Variants in PCSK9 observed in about 807,000 individuals in gnomAD.
The protein encoded by PCSK9 is convertase subtilisin/kexin type 9 preproprotein.
PCSK9 carries 57 observed loss-of-function variants against 62.1 expected under a neutral mutation model. The ratio of observed to expected loss-of-function variants is 0.92; its 90% CI spans 0.74 to 1.14. The LOEUF is 1.14. Among genes scored for constraint, PCSK9 ranks in the 50% most tolerant of loss-of-function variants. PCSK9 has a pLI of 0.00. For missense variants in PCSK9, 870 were observed against 959.8 expected, an observed-to-expected ratio of 0.91 and a Z score of 1.24; for synonymous variants, 387 against 409.4, an observed-to-expected ratio of 0.95 and a Z score of 0.66.
At chr1:55,063,238 A>G (rs960383830) in intron 11 of PCSK9, 131 bp from the exon 12 acceptor site, 3 of 969,872 alleles carry the variant, frequency 3.1e-6, no homozygotes, top group African/African-American at 1.6e-5. Flanking sequence ...TTGTGTCCCA[A>G]ATGGGCTCTG....
chr1:55,054,152 G>A (rs1184146308), intron 5 of PCSK9, among the ~76,000 whole-genome samples: 1 of 152,180 alleles, frequency 6.6e-6, no homozygotes, highest in Non-Finnish European at 1.5e-5. Flanking sequence ...GGGAGGCCGA[G>A]GTGGGCAGAT....
At chr1:55,051,957 C>T (rs755205398) in intron 3 of PCSK9, 19 of 404,812 alleles carry the variant, frequency 4.7e-5, no homozygotes, top group Non-Finnish European at 7.5e-5. Flanking sequence ...CACTTTGATA[C>T]TATTTTTTGA....
intron 4 of PCSK9, 48 bp from the exon 5 acceptor site, chr1:55,052,602 G>A: frequency 6.2e-7 from 1 of 1,610,172 alleles, no homozygotes; most frequent in Non-Finnish European, 8.5e-7. Flanking sequence ...ATTTGTTATA[G>A]GGTGGAGGGG....
intron 7 of PCSK9, 35 bp from the exon 8 acceptor site, chr1:55,057,999 GGC>G (rs1246570379): frequency 6.2e-7 from 1 of 1,612,930 alleles, no homozygotes; most frequent in Admixed American, 1.7e-5. Flanking sequence ...AGGAGGGCCG[GGC>G]CATCACCATC....
At chr1:55,057,913 G>A in intron 7 of PCSK9, 123 bp from the exon 8 acceptor site, 1 of 1,379,672 alleles carries the variant, frequency 7.2e-7, no homozygotes, top group Non-Finnish European at 1.0e-6. Context: ...CGAGAAGAGA[G>A]CTTAGTGTCT....
intron 5 of PCSK9, among the ~76,000 whole-genome samples, chr1:55,053,298 G>A (rs187923900): frequency 7.1e-4 from 108 of 152,218 alleles, no homozygotes; most frequent in African/African-American, 2.4e-3. Context: ...TCCACCCAGC[G>A]GCCCCCCTAT....
At chr1:55,063,225 C>T (rs892222651) in intron 11 of PCSK9, 144 bp from the exon 12 acceptor site, 22 of 840,702 alleles carry the variant, frequency 2.6e-5, no homozygotes, top group African/African-American at 8.3e-5. Context: ...GGGAGATACA[C>T]GGTTGTGTCC....
At chr1:55,056,437 C>CGTA (rs1011955869) in intron 6 of PCSK9, among the ~76,000 whole-genome samples, 2 of 152,162 alleles carry the variant, frequency 1.3e-5, no homozygotes, top group African/African-American at 4.8e-5. Context: ...CATGCGCCCA[C>CGTA]GTAGCGGCGC....
Position 55,039,804 on chromosome 1 carries a change from C to T in PCSK9, c.-34C>T, listed in dbSNP as rs576535214. ...TGGACCGCGCACGGCCTCTAGGTCT[C>T]CTCGCCAGGACAGCAACCTCTCCCC... On this transcript the variant is annotated 5_prime_UTR_variant, in exon 1 of 12. Transcript: ENST00000302118. 7.6e-6 allele frequency: 12 copies of T among 1,569,174 alleles called. No individual in the cohort carries two copies. In the Admixed American group the frequency reaches 1.7e-4, roughly 22 times the overall value.
At position 55,061,376 on chromosome 1, in the gene PCSK9, C is replaced by T; in HGVS notation, c.1683C>T (p.Gly561=). ...HCHQQGHVLT[G]CSSHWEVEDL... is the part of the protein sequence containing the mutation. ...TGAGCTGGCTTTCCTCTGCCCCAGGCTGCAGCTCCCACTGGGAGGTGGAGG... is the reference window on the plus strand; with the variant it reads ...TGAGCTGGCTTTCCTCTGCCCCAGGTTGCAGCTCCCACTGGGAGGTGGAGG... Residue 561 remains glycine, a splice_region_variant and synonymous_variant, in exon 11 of 12, where the codon GGC becomes GGT. Transcript: ENST00000302118. The T allele has an allele frequency of 1.2e-6, 2 of 1,606,186 alleles. No homozygotes were observed. The highest frequency in any genetic ancestry group is 1.7e-6 in the Non-Finnish European group (2 of 1,177,692).
rs1438150219 is a variant in PCSK9 at position 55,040,080 on chromosome 1, G to A, written c.207+36G>A. 7.1e-6 allele frequency: 11 copies of A among 1,545,520 alleles called. 1 individual carries two copies. The Admixed American group carries it at 2.0e-4, about 28-fold the overall frequency. On this transcript the variant is annotated intron_variant, in intron 1 of 11. Transcript: ENST00000302118. This position sits in a 1 kb window ranked among gnomAD's most constrained non-coding sequence, Gnocchi z 4.1. ...AGGGATGGGAGGCCGGGGCGAACCCGCAGCCGGGACGGTGCGGTGCTGTTT... is the reference window on the plus strand; with the variant it reads ...AGGGATGGGAGGCCGGGGCGAACCCACAGCCGGGACGGTGCGGTGCTGTTT...
At position 55,039,860 on chromosome 1, in the gene PCSK9, G is replaced by A. The variant is rs1021280547; in HGVS notation, c.23G>A (p.Arg8Gln). The A allele has an allele frequency of 1.4e-5, 22 of 1,563,804 alleles. No homozygotes were observed. The highest frequency in any genetic ancestry group is 1.8e-5 in the Non-Finnish European group (21 of 1,155,024). Residue 8 changes from arginine (R) to glutamine (Q), a missense_variant, in exon 1 of 12, where the codon CGG becomes CAG. Transcript: ENST00000302118. MGTVSSR[R>Q]SWWPLPLLLL... Reference sequence around the variant, plus strand: ...CTCATGGGCACCGTCAGCTCCAGGCGGTCCTGGTGGCCGCTGCCACTGCTG... The same window carrying A: ...CTCATGGGCACCGTCAGCTCCAGGCAGTCCTGGTGGCCGCTGCCACTGCTG...
Position 55,063,944 on chromosome 1 carries a change from A to C in PCSK9, c.*360A>C. On this transcript the variant is annotated 3_prime_UTR_variant, in exon 12 of 12. Coordinates refer to ENST00000302118, the MANE Select transcript of PCSK9 (RefSeq NM_174936.4). Reference sequence around the variant, plus strand: ...GCTCTTGTTCCGTGCCAGGCATTCAATCCTCAGGTCTCCACCAAGGAGGCA... The same window carrying C: ...GCTCTTGTTCCGTGCCAGGCATTCACTCCTCAGGTCTCCACCAAGGAGGCA... The C allele has an allele frequency of 3.5e-6, 1 of 285,662 alleles. No individual in the cohort carries two copies. The highest frequency in any genetic ancestry group is 6.7e-6 in the Non-Finnish European group (1 of 149,782). 17.7% of individuals were successfully genotyped at this position (285,662 alleles called of 1,614,324 possible).
In PCSK9 at chr1:55,057,389, G is replaced by A. The variant is rs1417795413; in HGVS notation, c.1055G>A (p.Gly352Glu). Residue 352 changes from glycine (G) to glutamate (E), a missense_variant, in exon 7 of 12, where the codon GGG becomes GAG. Gly to Glu is a moderately conservative substitution (Grantham distance 98). Coordinates refer to ENST00000302118, the MANE Select transcript of PCSK9 (RefSeq NM_174936.4). ...CAGCCGGTGACCCTGGGGACTTTGG[G>A]GACCAACTTTGGCCGCTGTGTGGAC... ...QDQPVTLGTL[G>E]TNFGRCVDLF... 6.2e-7 allele frequency: 1 copy of A among 1,614,128 alleles called. No homozygotes were observed. Among genetic ancestry groups the A allele is most frequent in the South Asian group, 1.1e-5 (1 of 91,086 alleles).
intron 4 of PCSK9, 114 bp downstream of exon 4, chr1:55,052,525 C>T: frequency 2.0e-6 from 3 of 1,535,864 alleles, no homozygotes; most frequent in South Asian, 2.3e-5. Flanking sequence ...GCACCCCCCC[C>T]AGCTGTCACT....
chr1:55,053,261 CT>C (rs1477514312), intron 5 of PCSK9, among the ~76,000 whole-genome samples: 3 of 152,144 alleles, frequency 2.0e-5, no homozygotes, highest in East Asian at 3.9e-4. Flanking sequence ...TGGCAGAGGA[CT>C]TTTTCTAGAC....
intron 5 of PCSK9, among the ~76,000 whole-genome samples, chr1:55,053,822 TGAA>T (rs1394546432): frequency 6.6e-6 from 1 of 152,216 alleles, no homozygotes; most frequent in Non-Finnish European, 1.5e-5. Context: ...GGTCAGTTCC[TGAA>T]GGTCAGTGTG....
At chr1:55,060,960 G>T (rs922665219) in intron 10 of PCSK9, among the ~76,000 whole-genome samples, 23 of 152,314 alleles carry the variant, frequency 1.5e-4, no homozygotes, top group African/African-American at 5.1e-4. Flanking sequence ...CAATGGGTGT[G>T]TCTGACTCCT....
rs560890759 is a variant in PCSK9, at chr1:55,061,907, C to T, written c.1863+351C>T. 7.2e-5 allele frequency among the ~76,000 whole-genome samples: 11 copies of T among 152,342 alleles called. No individual in the cohort carries two copies. The South Asian group carries it at 2.3e-3, about 32-fold the overall frequency. On this transcript the variant is annotated intron_variant, in intron 11 of 11. Coordinates refer to ENST00000302118, the MANE Select transcript of PCSK9 (RefSeq NM_174936.4). ...CTTGCTGTGTTGCCCAGGCTGGTCT[C>T]AAATTCCTGGGCTCAAGCAATCCTC...
Sources: allele counts gnomAD v4.1 joint callset (sites outside exome capture counted in the v4.1 genomes callset), GRCh38; gene constraint gnomAD v4.1.1; non-coding constraint Gnocchi (gnomAD v3.1); transcripts MANE v1.5; gene names NCBI Gene and HGNC (gene_info 2026-07-23, HGNC 2026-07-21).